MTAP: variants seen among roughly 807,000 people sequenced by gnomAD.
The protein encoded by MTAP is S-methyl-5'-thioadenosine phosphorylase.
MTAP carries 33 observed loss-of-function variants against 33.6 expected under a neutral mutation model. The observed-to-expected ratio is 0.98, with a 90% CI of 0.74 to 1.31. The LOEUF (loss-of-function observed/expected upper bound fraction) is 1.31. Among genes scored for constraint, MTAP ranks in the 40% most tolerant of loss-of-function variants. The pLI, the probability that MTAP is intolerant of heterozygous loss-of-function variation, is 0.00. For synonymous variants in MTAP, 148 were observed against 125.7 expected, an observed-to-expected ratio of 1.18 and a Z score of -1.19; for missense variants, 367 against 360.0, an observed-to-expected ratio of 1.02 and a Z score of -0.16.
At chr9:21,915,844 A>C (rs1363255889) in intron 1 of MTAP, among the ~76,000 whole-genome samples, 1 of 152,106 alleles carries the variant, frequency 6.6e-6, no homozygotes, top group Non-Finnish European at 1.5e-5. Context: ...AGTCTGGGCA[A>C]CATAGACAAA....
At chr9:21,822,726 G>A (rs1189446111) in intron 4 of MTAP, among the ~76,000 whole-genome samples, 1 of 152,090 alleles carries the variant, frequency 6.6e-6, no homozygotes, top group African/African-American at 2.4e-5. Flanking sequence ...TGTTGACAGT[G>A]GGGTGTTAAA....
chr9:21,806,090 G>C (rs765526852), intron 1 of MTAP, among the ~76,000 whole-genome samples: 7 of 152,160 alleles, frequency 4.6e-5, no homozygotes, highest in Non-Finnish European at 7.3e-5. Context: ...ACTGTTGAAG[G>C]GTTAAGAGTG....
At chr9:21,867,322 G>A (rs75797591), downstream of MTAP, among the ~76,000 whole-genome samples, 869 of 152,114 alleles carry the variant, frequency 5.7e-3, 17 homozygotes, top group East Asian at 0.052. Flanking sequence ...GGTTTTTTCC[G>A]TTTCATGTTT....
At chr9:21,853,399 G>A (rs1386871939) in intron 5 of MTAP, among the ~76,000 whole-genome samples, 1 of 152,176 alleles carries the variant, frequency 6.6e-6, no homozygotes, top group Non-Finnish European at 1.5e-5. Flanking sequence ...GCATTTATAA[G>A]ATAAACATGA....
intron 1 of MTAP, among the ~76,000 whole-genome samples, chr9:21,888,912 A>G (rs1018918295): frequency 1.4e-4 from 21 of 152,198 alleles, no homozygotes; most frequent in African/African-American, 4.8e-4. Context: ...TAATCTATAA[A>G]GGAAAACCTA....
chr9:21,847,423 T>G (rs1021219095), intron 5 of MTAP, among the ~76,000 whole-genome samples: 1 of 152,192 alleles, frequency 6.6e-6, no homozygotes, highest in African/African-American at 2.4e-5. Flanking sequence ...TTAATATGAT[T>G]AGACCCAAAG....
At chr9:21,812,194 G>GCTT in intron 1 of MTAP, 1 of 205,246 alleles carries the variant, frequency 4.9e-6, no homozygotes, top group South Asian at 8.6e-5. Context: ...TTTGCGGCCA[G>GCTT]CTTCTGCAAG....
intron 1 of MTAP, among the ~76,000 whole-genome samples, chr9:21,928,852 T>C (rs574968013): frequency 1.1e-4 from 17 of 151,818 alleles, no homozygotes; most frequent in African/African-American, 3.9e-4. Context: ...GATCTTATAT[T>C]GTAGGCCATT....
At chr9:21,851,951 A>G (rs1825522198) in intron 5 of MTAP, among the ~76,000 whole-genome samples, 1 of 152,140 alleles carries the variant, frequency 6.6e-6, no homozygotes, top group Non-Finnish European at 1.5e-5. Flanking sequence ...CAGCCTGCAG[A>G]TGGCCCATTG....
At chr9:21,880,359 GT>G (rs1211993133) in intron 1 of MTAP, among the ~76,000 whole-genome samples, 2 of 152,136 alleles carry the variant, frequency 1.3e-5, no homozygotes, top group Middle Eastern at 3.4e-3. Context: ...AGATAATCCA[GT>G]TTATGGTATT....
intron 1 of MTAP, among the ~76,000 whole-genome samples, chr9:21,909,044 T>C (rs962107148): frequency 6.6e-6 from 1 of 152,122 alleles, no homozygotes; most frequent in Non-Finnish European, 1.5e-5. Flanking sequence ...GGAAAACTAA[T>C]TACATTTATG....
At chr9:21,816,582 G>C (rs1824480962) in intron 2 of MTAP, 132 bp from the exon 3 acceptor site, 22 of 707,478 alleles carry the variant, frequency 3.1e-5, no homozygotes, top group Non-Finnish European at 2.4e-6. Context: ...TTGATAATCA[G>C]ATCTTGCCTC....
chr9:21,875,273 T>A (rs1587268063), intron 1 of MTAP, among the ~76,000 whole-genome samples: 1 of 152,206 alleles, frequency 6.6e-6, no homozygotes, highest in Middle Eastern at 3.4e-3. Context: ...TTCCTGACTT[T>A]TTAATGATCG....
In MTAP at chr9:21,856,123, G is replaced by A. The variant is rs987614221; in HGVS notation, c.690+1253G>A. 2.4e-5 allele frequency: 24 copies of A among 982,908 alleles called. No individual in the cohort carries two copies. In the East Asian group the frequency reaches 6.8e-4, roughly 28 times the overall value. 60.9% of individuals were successfully genotyped at this position (982,908 alleles called of 1,614,324 possible). On this transcript the variant is annotated intron_variant, in intron 6 of 7. Transcript: ENST00000644715. ...GTTACTTGAATAAACTAGATCGTTC[G>A]TCCTGTCATTTATCTCATTTTAAGA...
rs1284032019 is a variant in MTAP at position 21,865,501 on chromosome 9, G to A, written c.*3487G>A. On this transcript the variant is annotated 3_prime_UTR_variant, in exon 8 of 8. Transcript: ENST00000644715. The stretch of plus-strand genomic sequence containing the variant: ...GAACTACCAGTGTGCACACAATCTG[G>A]CTCAATGTATATATTGGCCCAGCAA... 6.1e-6 allele frequency: 6 copies of A among 985,458 alleles called. No homozygotes were observed. In the East Asian group the frequency reaches 3.4e-4, roughly 56 times the overall value. The allele number at this position is 985,458 out of a possible 1,614,324, so 61.0% of individuals were successfully genotyped here. A position where few individuals can be genotyped will look rare whatever the true frequency, so the allele number is the denominator to read the frequency against.
At chr9:21,803,184 G>C (rs935055) in intron 1 of MTAP, 218,123 of 380,162 alleles carry the variant, frequency 0.57, 64,689 homozygotes, top group African/African-American at 0.82. Flanking sequence ...CTGGAGTCAG[G>C]AGGTGTCCGG....
At chr9:21,893,500 G>A (rs1257979593) in intron 1 of MTAP, 4 of 152,022 alleles carry the variant, frequency 2.6e-5, no homozygotes, top group South Asian at 2.1e-4. Context: ...GATTGAAAGA[G>A]TGCTTGCTAG....
At chr9:21,817,340 C>G (rs991407643) in intron 3 of MTAP, among the ~76,000 whole-genome samples, 1 of 152,032 alleles carries the variant, frequency 6.6e-6, no homozygotes, top group African/African-American at 2.4e-5. Flanking sequence ...ACATCATCTC[C>G]TAGTTCCTGT....
intron 1 of MTAP, among the ~76,000 whole-genome samples, chr9:21,900,673 C>A (rs1435626172): frequency 3.3e-5 from 5 of 152,156 alleles, no homozygotes; most frequent in African/African-American, 1.2e-4. Context: ...TGGGTATATA[C>A]CCAAACGAAT....
Sources: gnomAD v4.1 joint callset for allele counts (sites outside exome capture counted in the v4.1 genomes callset) on GRCh38, gnomAD v4.1.1 for gene constraint, MANE v1.5 for transcripts, NCBI Gene and HGNC (gene_info 2026-07-23, HGNC 2026-07-21) for gene names.